The following NDUFAF3 variants were observed in gnomAD, a reference collection of about 807,000 sequenced individuals.
The protein encoded by NDUFAF3 is NADH:ubiquinone oxidoreductase complex assembly factor 3, also known as NADH dehydrogenase [ubiquinone] 1 alpha subcomplex assembly factor 3.
Under a neutral mutation model 22.6 loss-of-function variants are expected in NDUFAF3, and 21 were observed. The ratio of observed to expected loss-of-function variants is 0.93; its 90% CI spans 0.66 to 1.34. NDUFAF3 has a LOEUF of 1.34. NDUFAF3 is among the 40% of genes most tolerant of loss of function. NDUFAF3 has a pLI of 0.00. For missense variants in NDUFAF3, 251 were observed against 248.4 expected (o/e 1.01, Z -0.07); for synonymous variants, 113 against 104.9 (o/e 1.08, Z -0.47).
At chr3:49,022,035 C>A, upstream of NDUFAF3, 1 of 1,178,646 alleles carries the variant, frequency 8.5e-7, no homozygotes, top group Non-Finnish European at 1.2e-6. This position sits in a 1 kb window ranked among gnomAD's most constrained non-coding sequence, Gnocchi z 6.6. Context: ...CTGTGCGGTG[C>A]CCTCCGGGAC....
rs1358358776 is a variant in NDUFAF3, at chr3:49,023,108, G to C, written c.491G>C (p.Gly164Ala). Residue 164 changes from glycine to alanine, a missense_variant, in exon 5 of 5, where the codon GGA becomes GCA. Gly to Ala is a moderately conservative substitution (Grantham distance 60). Transcript: ENST00000326925. ...CTGTGTCATGAAGGCCGAGTAACTG[G>C]AGCTGCTCTCATCCCTCCACCAGGA... ...NFLCHEGRVTGAALIPPPGGT... is the reference protein window; with the variant it reads ...NFLCHEGRVTAAALIPPPGGT... The C allele has an allele frequency of 1.2e-6, 2 of 1,614,156 alleles. No individual in the cohort carries two copies. Among genetic ancestry groups the C allele is most frequent in the East Asian group, 2.2e-5 (1 of 44,880 alleles).
upstream of NDUFAF3, chr3:49,021,929 C>G (rs1206005978): frequency 1.2e-5 from 7 of 596,300 alleles, no homozygotes; most frequent in Admixed American, 2.9e-5. This position sits in a 1 kb window ranked among gnomAD's most constrained non-coding sequence, Gnocchi z 4.1. Context: ...GGGCCCGGGG[C>G]GGGGAGGGCG....
upstream of NDUFAF3, chr3:49,021,142 CG>C (rs1470176380): frequency 6.5e-6 from 1 of 153,466 alleles, no homozygotes; most frequent in Non-Finnish European, 1.5e-5. This position sits in a 1 kb window ranked among gnomAD's most constrained non-coding sequence, Gnocchi z 4.1. Context: ...ACAGAGCAGC[CG>C]CGGGACCCCC....
In NDUFAF3 at chr3:49,023,252, C is replaced by T. The variant is rs2093180048; in HGVS notation, c.*80C>T. ...CTCTTATCTACCCTTTGGCACTTAT[C>T]TTGCTTATCAACATAATAATTTATA... On this transcript the variant is annotated 3_prime_UTR_variant, in exon 5 of 5. Coordinates refer to ENST00000326925, the MANE Select transcript of NDUFAF3 (RefSeq NM_199069.2). 4 of 1,071,388 alleles carry T rather than the reference C, an allele frequency of 3.7e-6. No homozygotes were observed. The Admixed American group carries it at 5.1e-5, about 14-fold the overall frequency. The allele number at this position is 1,071,388 out of a possible 1,614,324, so 66.4% of individuals were successfully genotyped here. A position where few individuals can be genotyped will look rare whatever the true frequency, so the allele number is the denominator to read the frequency against.
chr3:49,023,254 T>G lies in NDUFAF3; in HGVS notation c.*82T>G, dbSNP rs2093180083. On this transcript the variant is annotated 3_prime_UTR_variant, in exon 5 of 5. Transcript: ENST00000326925. ...CTTATCTACCCTTTGGCACTTATCT[T>G]GCTTATCAACATAATAATTTATACA... is the stretch of plus-strand genomic sequence containing the variant. The G allele has an allele frequency of 1.9e-6, 2 of 1,055,816 alleles. No homozygotes were observed. Among genetic ancestry groups the G allele is most frequent in the African/African-American group, 1.6e-5 (1 of 63,976 alleles). The allele number at this position is 1,055,816 out of a possible 1,614,324, so 65.4% of individuals were successfully genotyped here. A position where few individuals can be genotyped will look rare whatever the true frequency, so the allele number is the denominator to read the frequency against.
rs746835381 is a variant in NDUFAF3 at position 49,023,105 on chromosome 3, CTG to C, written c.489_490del (p.Gly164SerfsTer29). The C allele has an allele frequency of 1.5e-4, 244 of 1,614,078 alleles. No individual in the cohort carries two copies. Among genetic ancestry groups the C allele is most frequent in the Non-Finnish European group, 1.9e-4 (225 of 1,180,056 alleles). On this transcript the variant is annotated frameshift_variant, in exon 5 of 5. Transcript: ENST00000326925. LOFTEE classifies it low-confidence loss of function (END_TRUNC). ...TTCCTGTGTCATGAAGGCCGAGTAA[CTG>C]GAGCTGCTCTCATCCCTCCACCAGG... is the stretch of plus-strand genomic sequence containing the variant.
At chr3:49,021,847 G>A, upstream of NDUFAF3, 2 of 484,124 alleles carry the variant, frequency 4.1e-6, no homozygotes, top group East Asian at 3.8e-5. This position sits in a 1 kb window ranked among gnomAD's most constrained non-coding sequence, Gnocchi z 4.1. Flanking sequence ...GCCAGGCCGC[G>A]GCTGCGGCCC....
At chr3:49,021,864 C>T (rs1352480720), upstream of NDUFAF3, 2 of 509,548 alleles carry the variant, frequency 3.9e-6, no homozygotes, top group South Asian at 5.1e-5. This position sits in a 1 kb window ranked among gnomAD's most constrained non-coding sequence, Gnocchi z 4.1. Context: ...GCCCAGGCAA[C>T]GCCCTGAGGG....
chr3:49,022,343 C>T lies in NDUFAF3; in HGVS notation c.78-3C>T, dbSNP rs2093168086. 1 of 1,611,338 alleles carries T rather than the reference C, an allele frequency of 6.2e-7. No homozygotes were observed. The highest frequency in any genetic ancestry group is 1.1e-5 in the South Asian group (1 of 91,060). ...CCGCGCCCCTGACCCTTTCCCTCCGCAGGGCCCCGCGGCGAGGGCATCGGC... is the reference window on the plus strand; with the variant it reads ...CCGCGCCCCTGACCCTTTCCCTCCGTAGGGCCCCGCGGCGAGGGCATCGGC... On this transcript the variant is annotated splice_region_variant and splice_polypyrimidine_tract_variant and intron_variant, in intron 1 of 4. Transcript: ENST00000326925. The surrounding 1 kb of genome is among the most constrained non-coding windows in gnomAD (Gnocchi z 6.6).
upstream of NDUFAF3, chr3:49,021,268 G>C (rs1330800092): frequency 6.6e-6 from 1 of 152,448 alleles, no homozygotes; most frequent in South Asian, 2.0e-4. The surrounding 1 kb of genome is among the most constrained non-coding windows in gnomAD (Gnocchi z 4.1). Context: ...CTGAGGCCAC[G>C]ACAGAGCCGG....
chr3:49,023,179 A>G lies in NDUFAF3; in HGVS notation c.*7A>G, dbSNP rs2093179525. 3 of 1,604,446 alleles carry G rather than the reference A, an allele frequency of 1.9e-6. No individual in the cohort carries two copies. The South Asian group carries it at 3.3e-5, about 18-fold the overall frequency. On this transcript the variant is annotated 3_prime_UTR_variant, in exon 5 of 5. Coordinates refer to ENST00000326925, the MANE Select transcript of NDUFAF3 (RefSeq NM_199069.2). ...GGGCCAAGCTGCTCAATGAACCGCC[A>G]GGAACTGACCTGCTGACTGCACTCT...
At position 49,022,793 on chromosome 3, in the gene NDUFAF3, A is replaced by T; in HGVS notation, c.337+25A>T. On this transcript the variant is annotated intron_variant, in intron 3 of 4. Coordinates refer to ENST00000326925, the MANE Select transcript of NDUFAF3 (RefSeq NM_199069.2). The surrounding 1 kb of genome is among the most constrained non-coding windows in gnomAD (Gnocchi z 6.6). ...GGTACTGGGGAAGGGGAGGGAGAAC[A>T]GAGGTGTTCTGGGCCCCAGAAGGCG... is the stretch of plus-strand genomic sequence containing the variant. 1 of 1,613,832 alleles carries T rather than the reference A, an allele frequency of 6.2e-7. No homozygotes were observed. The highest frequency in any genetic ancestry group is 8.5e-7 in the Non-Finnish European group (1 of 1,179,982).
At position 49,022,725 on chromosome 3, in the gene NDUFAF3, C is replaced by T. The variant is rs2093173484; in HGVS notation, c.294C>T (p.Thr98=). The change falls in exon 3 of 5, where the codon ACC becomes ACT. Residue 98 remains threonine (T), a synonymous_variant. Coordinates refer to ENST00000326925, the MANE Select transcript of NDUFAF3 (RefSeq NM_199069.2). This position sits in a 1 kb window ranked among gnomAD's most constrained non-coding sequence, Gnocchi z 6.6. ...AGGTGGGATCCCACCAGGACATCAC[C>T]GAAGACAGCTTTTCCCTCTTCTGGT... ...QWNVGSHQDI[T]EDSFSLFWLL... The T allele has an allele frequency of 1.9e-6, 3 of 1,614,058 alleles. No individual in the cohort carries two copies. The highest frequency in any genetic ancestry group is 2.5e-6 in the Non-Finnish European group (3 of 1,180,026).
upstream of NDUFAF3, chr3:49,020,893 C>G (rs1297042844): frequency 7.1e-6 from 2 of 280,834 alleles, no homozygotes; most frequent in South Asian, 5.7e-5. Flanking sequence ...CCCCTGGGAC[C>G]GGGTCCCGAT....
rs2093179506 is a variant in NDUFAF3 at position 49,023,178 on chromosome 3, C to G, written c.*6C>G. The stretch of plus-strand genomic sequence containing the variant: ...TGGGCCAAGCTGCTCAATGAACCGC[C>G]AGGAACTGACCTGCTGACTGCACTC... On this transcript the variant is annotated 3_prime_UTR_variant, in exon 5 of 5. Transcript: ENST00000326925. 1 of 1,603,754 alleles carries G rather than the reference C, an allele frequency of 6.2e-7. No homozygotes were observed. Among genetic ancestry groups the G allele is most frequent in the African/African-American group, 1.3e-5 (1 of 74,738 alleles).
Position 49,022,584 on chromosome 3 carries a change from GCCCTCA to G in NDUFAF3, c.270+51_270+56del. On this transcript the variant is annotated intron_variant, in intron 2 of 4. Transcript: ENST00000326925. This position sits in a 1 kb window ranked among gnomAD's most constrained non-coding sequence, Gnocchi z 6.6. ...TGGAAACTGAGGCCCAGAGTCACAGGCCCTCACCCTGCTTGGTCCCTGCAAACTTGG... is the reference window on the plus strand; with the variant it reads ...TGGAAACTGAGGCCCAGAGTCACAGGCCCTGCTTGGTCCCTGCAAACTTGG... 1 of 1,613,350 alleles carries G rather than the reference GCCCTCA, an allele frequency of 6.2e-7. No homozygotes were observed.
rs549271204 is a variant in NDUFAF3, at chr3:49,023,244, G to A, written c.*72G>A. On this transcript the variant is annotated 3_prime_UTR_variant, in exon 5 of 5. Coordinates refer to ENST00000326925, the MANE Select transcript of NDUFAF3 (RefSeq NM_199069.2). ...TGCTTTCACTCTTATCTACCCTTTG[G>A]CACTTATCTTGCTTATCAACATAAT... The A allele has an allele frequency of 2.7e-6, 3 of 1,129,394 alleles. No homozygotes were observed. The highest frequency in any genetic ancestry group is 3.4e-5 in the Admixed American group (2 of 59,432). The allele number at this position is 1,129,394 out of a possible 1,614,324, so 70.0% of individuals were successfully genotyped here.
chr3:49,022,071 G>A (rs1046624087), upstream of NDUFAF3: 27 of 1,499,606 alleles, frequency 1.8e-5, no homozygotes, highest in Non-Finnish European at 2.4e-5. This position sits in a 1 kb window ranked among gnomAD's most constrained non-coding sequence, Gnocchi z 6.6. Context: ...GCCACGCTGG[G>A]TCAGGCTCCG....
chr3:49,022,899 G>T lies in NDUFAF3; in HGVS notation c.361G>T (p.Asp121Tyr). ...RIEIVVVGTG[D>Y]RTERLQSQVL... Reference sequence around the variant, plus strand: ...AGAGATCGTGGTGGTGGGGACTGGAGACCGGACCGAGAGGCTGCAGTCCCA... The same window carrying T: ...AGAGATCGTGGTGGTGGGGACTGGATACCGGACCGAGAGGCTGCAGTCCCA... Residue 121 changes from aspartate to tyrosine, a missense_variant, in exon 4 of 5, where the codon GAC becomes TAC. By Grantham distance (160) the Asp-to-Tyr change is radical (BLOSUM62 -3). Transcript: ENST00000326925. This position sits in a 1 kb window ranked among gnomAD's most constrained non-coding sequence, Gnocchi z 6.6. 1 of 1,614,074 alleles carries T rather than the reference G, an allele frequency of 6.2e-7. No homozygotes were observed. Among genetic ancestry groups the T allele is most frequent in the Non-Finnish European group, 8.5e-7 (1 of 1,180,044 alleles).
Sources: gnomAD v4.1 joint callset for allele counts on GRCh38, gnomAD v4.1.1 for gene constraint, Gnocchi (gnomAD v3.1) non-coding constraint, MANE v1.5 for transcripts, NCBI Gene and HGNC (gene_info 2026-07-23, HGNC 2026-07-21) for gene names.